CHCHD6: variants seen among roughly 807,000 people sequenced by gnomAD.
The protein encoded by CHCHD6 is coiled-coil-helix-coiled-coil-helix domain containing 6.
In CHCHD6, 28 loss-of-function variants were observed where a neutral mutation model predicts 32.3. That is an observed-to-expected ratio of 0.87 (90% CI 0.64 to 1.19). The LOEUF (loss-of-function observed/expected upper bound fraction) is 1.19, where lower values mean the gene tolerates loss of function less well. CHCHD6 is among the 50% of genes most tolerant of loss of function. The probability of loss-of-function intolerance (pLI) is 0.00; values close to 1 mark genes in which losing one functional copy is unlikely to be tolerated. For missense variants in CHCHD6, 333 were observed against 307.0 expected, an observed-to-expected ratio of 1.08 and a Z score of -0.63; for synonymous variants, 122 against 117.5, an observed-to-expected ratio of 1.04 and a Z score of -0.25.
intron 4 of CHCHD6, among the ~76,000 whole-genome samples, chr3:126,816,595 G>T (rs1322093720): frequency 6.6e-6 from 1 of 152,150 alleles, no homozygotes; most frequent in Non-Finnish European, 1.5e-5. Flanking sequence ...TAGGGACGAG[G>T]GACAGAGAAG....
At position 126,856,494 on chromosome 3, in the gene CHCHD6, G is replaced by A. The variant is rs1045197872; in HGVS notation, c.495+3764G>A. Among the ~76,000 whole-genome samples, 6 of 152,354 alleles carry A rather than the reference G, an allele frequency of 3.9e-5. 1 individual carries two copies. The highest frequency in any genetic ancestry group is 7.2e-5 in the African/African-American group (3 of 41,588). On this transcript the variant is annotated intron_variant, in intron 5 of 7. Coordinates refer to ENST00000290913, the MANE Select transcript of CHCHD6 (RefSeq NM_032343.3). ...GCTTGTGCTGGCTTGAGTCATGGCC[G>A]CTGAACCCCTTGCCATCTTAGCTGT...
intron 4 of CHCHD6, among the ~76,000 whole-genome samples, chr3:126,760,330 G>T (rs1195803197): frequency 2.0e-5 from 3 of 152,110 alleles, no homozygotes; most frequent in Non-Finnish European, 4.4e-5. Context: ...TTCTTCTATT[G>T]TGGTAAAATA....
chr3:126,932,460 T>TC (rs1284245558), intron 6 of CHCHD6, among the ~76,000 whole-genome samples: 2 of 152,224 alleles, frequency 1.3e-5, no homozygotes, highest in African/African-American at 4.8e-5. Context: ...AGCCTCTAAA[T>TC]CCATCCTGAC....
intron 7 of CHCHD6, among the ~76,000 whole-genome samples, chr3:126,959,811 A>C (rs912998644): frequency 2.3e-4 from 35 of 152,124 alleles, no homozygotes; most frequent in South Asian, 4.2e-4. Flanking sequence ...AAAATCAGAG[A>C]ACAGAGGGGA....
At position 126,733,967 on chromosome 3, in the gene CHCHD6, A is replaced by G. The variant is rs573523423; in HGVS notation, c.411+745A>G. 3.9e-5 allele frequency among the ~76,000 whole-genome samples: 6 copies of G among 152,256 alleles called. No homozygotes were observed. The East Asian group carries it at 1.2e-3, about 29-fold the overall frequency. On this transcript the variant is annotated intron_variant, in intron 4 of 7. Transcript: ENST00000290913. ...TCTGCCATCCACAGTGTGCCAGTGCATCCTAGGCAGGCTGTCCCCATGGTT... is the reference window on the plus strand; with the variant it reads ...TCTGCCATCCACAGTGTGCCAGTGCGTCCTAGGCAGGCTGTCCCCATGGTT...
At chr3:126,901,200 A>G (rs2077922363) in intron 5 of CHCHD6, among the ~76,000 whole-genome samples, 1 of 152,248 alleles carries the variant, frequency 6.6e-6, no homozygotes, top group East Asian at 1.9e-4. Flanking sequence ...TTACTGACTG[A>G]GAAATGTGTA....
At chr3:126,958,271 C>T (rs1213850271) in intron 7 of CHCHD6, among the ~76,000 whole-genome samples, 1 of 152,104 alleles carries the variant, frequency 6.6e-6, no homozygotes, top group Admixed American at 6.5e-5. Context: ...CCTTGCCCCA[C>T]CCCAACAGGA....
intron 4 of CHCHD6, among the ~76,000 whole-genome samples, chr3:126,762,528 T>G (rs77552425): frequency 0.031 from 4,646 of 152,280 alleles, 98 homozygotes; most frequent in Non-Finnish European, 0.039. Flanking sequence ...CTAAATTTGT[T>G]GAAGCTTGTT....
chr3:126,762,597 G>T (rs1346161809), intron 4 of CHCHD6, among the ~76,000 whole-genome samples: 1 of 152,076 alleles, frequency 6.6e-6, no homozygotes, highest in Admixed American at 6.5e-5. Flanking sequence ...AGTCTCATTG[G>T]TTTATAGTAT....
chr3:126,917,247 C>G (rs2078184637), intron 6 of CHCHD6, among the ~76,000 whole-genome samples: 1 of 152,240 alleles, frequency 6.6e-6, no homozygotes, highest in African/African-American at 2.4e-5. Flanking sequence ...TATATTTACT[C>G]TTGTTGGTTT....
chr3:126,780,036 G>GT (rs1937857319), intron 4 of CHCHD6, among the ~76,000 whole-genome samples: 1 of 152,182 alleles, frequency 6.6e-6, no homozygotes, highest in Non-Finnish European at 1.5e-5. Context: ...CTGCCAATGA[G>GT]CTTATATCAC....
intron 5 of CHCHD6, among the ~76,000 whole-genome samples, chr3:126,880,856 A>G: frequency 6.6e-6 from 1 of 152,250 alleles, no homozygotes; most frequent in Non-Finnish European, 1.5e-5. Context: ...AGTGAAAATG[A>G]TCAAAGGTTC....
chr3:126,762,876 A>G (rs995441960), intron 4 of CHCHD6, among the ~76,000 whole-genome samples: 4 of 152,068 alleles, frequency 2.6e-5, no homozygotes, highest in African/African-American at 9.7e-5. Flanking sequence ...GCATATTATT[A>G]TAGCCACCCA....
rs917254060 is a variant in CHCHD6, at chr3:126,812,591, A to AT, written c.412-40044dup. 8.8e-3 allele frequency among the ~76,000 whole-genome samples: 1,247 copies of AT among 142,466 alleles called. 9 individuals carry two copies. The highest frequency in any genetic ancestry group is 0.011 in the Non-Finnish European group (710 of 64,672). The allele number at this position is 142,466 out of a possible 152,430, so 93.5% of individuals were successfully genotyped here. On this transcript the variant is annotated intron_variant, in intron 4 of 7. Coordinates refer to ENST00000290913, the MANE Select transcript of CHCHD6 (RefSeq NM_032343.3). The stretch of plus-strand genomic sequence containing the variant: ...AGGCACCCACCACCATACCCAGCTA[A>AT]TTTTTTTTTTTTGTATTTTTAGTAG...
At chr3:126,945,584 G>A (rs113190776) in intron 6 of CHCHD6, among the ~76,000 whole-genome samples, 3,943 of 141,058 alleles carry the variant, frequency 0.028, 219 homozygotes, top group African/African-American at 0.1. Context: ...TCGGTGTGGC[G>A]GAGACTTGAT....
At chr3:126,843,861 A>G (rs1206540285) in intron 4 of CHCHD6, among the ~76,000 whole-genome samples, 4 of 152,146 alleles carry the variant, frequency 2.6e-5, no homozygotes, top group Non-Finnish European at 5.9e-5. Context: ...GCTTCCATTT[A>G]TATCATTATG....
chr3:126,863,171 T>C (rs1264869919), intron 5 of CHCHD6, among the ~76,000 whole-genome samples: 36 of 65,718 alleles, frequency 5.5e-4, no homozygotes, highest in East Asian at 1.7e-3. Context: ...TCCTCCACCA[T>C]CACCACCTCC....
intron 7 of CHCHD6, among the ~76,000 whole-genome samples, chr3:126,958,501 G>A (rs949638410): frequency 1.1e-4 from 17 of 152,168 alleles, no homozygotes; most frequent in African/African-American, 4.1e-4. Flanking sequence ...CCATGTCCAA[G>A]GGGAGATCTG....
intron 5 of CHCHD6, among the ~76,000 whole-genome samples, chr3:126,904,088 A>G (rs752787543): frequency 4.6e-5 from 7 of 152,174 alleles, no homozygotes; most frequent in Non-Finnish European, 1.0e-4. Flanking sequence ...TTTTTCTTGA[A>G]TAATCACATT....
Sources: allele counts gnomAD v4.1 joint callset (sites outside exome capture counted in the v4.1 genomes callset), GRCh38; gene constraint gnomAD v4.1.1; transcripts MANE v1.5; gene names NCBI Gene and HGNC (gene_info 2026-07-23, HGNC 2026-07-21).